The following GRAMD1B variants were observed in gnomAD, a reference collection of about 807,000 sequenced individuals.
GRAMD1B encodes the protein GRAM domain containing 1B.
Under a neutral mutation model 99.7 loss-of-function variants are expected in GRAMD1B, and 37 were observed. The ratio of observed to expected loss-of-function variants is 0.37; its 90% CI spans 0.29 to 0.49. The LOEUF (loss-of-function observed/expected upper bound fraction) is 0.49, where lower values mean the gene tolerates loss of function less well. Among genes scored for constraint, GRAMD1B ranks in the 20% least tolerant of loss-of-function variants. GRAMD1B has a pLI of 0.98. For synonymous variants in GRAMD1B, 427 were observed against 387.6 expected, an observed-to-expected ratio of 1.10 and a Z score of -1.19; for missense variants, 888 against 1,009.2, an observed-to-expected ratio of 0.88 and a Z score of 1.63.
At chr11:123,602,841 C>T (rs1952151613) in intron 8 of GRAMD1B, among the ~76,000 whole-genome samples, 1 of 152,168 alleles carries the variant, frequency 6.6e-6, no homozygotes, top group African/African-American at 2.4e-5. Flanking sequence ...GGTGAGATGA[C>T]CTGTAAGGTT....
At chr11:123,424,354 A>G (rs929516431) in intron 1 of GRAMD1B, among the ~76,000 whole-genome samples, 1 of 152,074 alleles carries the variant, frequency 6.6e-6, no homozygotes, top group Non-Finnish European at 1.5e-5. Context: ...ACACTAGGCT[A>G]GGTGTGGTGG....
At chr11:123,599,259 TC>T in intron 7 of GRAMD1B, 1 of 744,310 alleles carries the variant, frequency 1.3e-6, no homozygotes, top group South Asian at 1.3e-5. Context: ...TCGTAATCCA[TC>T]CTTATCATCA....
intron 2 of GRAMD1B, among the ~76,000 whole-genome samples, chr11:123,557,834 G>A (rs1233851480): frequency 1.3e-5 from 2 of 152,094 alleles, no homozygotes; most frequent in Non-Finnish European, 2.9e-5. Context: ...TGTAGTGGAA[G>A]AAGTAAAGTC....
intron 1 of GRAMD1B, among the ~76,000 whole-genome samples, chr11:123,455,537 C>G (rs2076314694): frequency 6.6e-6 from 1 of 152,164 alleles, no homozygotes; most frequent in African/African-American, 2.4e-5. Flanking sequence ...TACTTGCTAT[C>G]GAACTGCTGC....
At chr11:123,368,275 A>AAAAAAAAAAAGAAAG (rs60644137) in intron 1 of GRAMD1B, among the ~76,000 whole-genome samples, 6 of 127,144 alleles carry the variant, frequency 4.7e-5, no homozygotes, top group Admixed American at 1.6e-4. Flanking sequence ...AAAAAAAAAA[A>AAAAAAAAAAAGAAAG]AAAGAAAGAA....
intron 3 of GRAMD1B, 98 bp from the exon 4 acceptor site, chr11:123,584,214 C>T (rs1949788399): frequency 2.8e-6 from 2 of 707,168 alleles, no homozygotes; most frequent in Admixed American, 2.4e-5. Flanking sequence ...ACCCCTCCTC[C>T]CTGCCCACCC....
intron 2 of GRAMD1B, among the ~76,000 whole-genome samples, chr11:123,506,313 A>G (rs1940419705): frequency 1.3e-5 from 2 of 151,992 alleles, no homozygotes; most frequent in Non-Finnish European, 2.9e-5. Flanking sequence ...TCCTTAGGGA[A>G]CTTGGTGCTT....
chr11:123,432,572 A>AT (rs1948950285), intron 1 of GRAMD1B, among the ~76,000 whole-genome samples: 2 of 151,202 alleles, frequency 1.3e-5, no homozygotes, highest in Non-Finnish European at 1.5e-5. Flanking sequence ...AAAAAAAAAA[A>AT]TTGAAGACCT....
chr11:123,381,205 A>G (rs952011236), intron 1 of GRAMD1B, among the ~76,000 whole-genome samples: 3 of 152,246 alleles, frequency 2.0e-5, no homozygotes, highest in Non-Finnish European at 2.9e-5. Flanking sequence ...GAGCCCCCAG[A>G]ACTTTGTCTT....
At chr11:123,484,627 G>A in intron 2 of GRAMD1B, among the ~76,000 whole-genome samples, 1 of 152,108 alleles carries the variant, frequency 6.6e-6, no homozygotes, top group Non-Finnish European at 1.5e-5. Flanking sequence ...AGAGAATGTG[G>A]TCAGAAGTAT....
intron 1 of GRAMD1B, among the ~76,000 whole-genome samples, chr11:123,379,773 C>T (rs1278589549): frequency 1.3e-5 from 2 of 152,226 alleles, no homozygotes; most frequent in African/African-American, 4.8e-5. Flanking sequence ...TTCCAAAGGA[C>T]TGCACTATTT....
chr11:123,359,807 G>A (rs1219527132), intron 1 of GRAMD1B, among the ~76,000 whole-genome samples: 1 of 152,200 alleles, frequency 6.6e-6, no homozygotes, highest in African/African-American at 2.4e-5. Flanking sequence ...GACAGCAGCA[G>A]ATGTAAAACT....
intron 2 of GRAMD1B, among the ~76,000 whole-genome samples, chr11:123,505,119 T>A (rs1275768034): frequency 1.3e-5 from 2 of 152,166 alleles, no homozygotes; most frequent in African/African-American, 4.8e-5. Flanking sequence ...CTGTTGTATT[T>A]CCTTATTCCT....
rs774707387 is a variant in GRAMD1B, at chr11:123,610,209, C to T, written c.1790C>T (p.Ala597Val). ...TVRETQTMYK[A>V]SQESECYVID... ...TCCTGCCCGCAGACCATGTACAAGG[C>T]GAGCCAGGAGAGTGAATGTTACGTG... The change falls in exon 14 of 20, where the codon GCG (alanine) becomes GTG (valine). Residue 597 changes from alanine to valine, a missense_variant. Transcript: ENST00000635736. This position sits in a 1 kb window ranked among gnomAD's most constrained non-coding sequence, Gnocchi z 4.1. The T allele has an allele frequency of 1.9e-6, 3 of 1,613,664 alleles. No individual in the cohort carries two copies. The highest frequency in any genetic ancestry group is 1.1e-5 in the South Asian group (1 of 91,068).
chr11:123,582,423 C>A (rs1949459394), intron 3 of GRAMD1B, among the ~76,000 whole-genome samples: 2 of 152,208 alleles, frequency 1.3e-5, no homozygotes, highest in Admixed American at 1.3e-4. Context: ...CCTTTACCTG[C>A]TGAGACCTCT....
At chr11:123,550,532 G>C (rs994814613) in intron 2 of GRAMD1B, among the ~76,000 whole-genome samples, 1 of 152,162 alleles carries the variant, frequency 6.6e-6, no homozygotes, top group African/African-American at 2.4e-5. Flanking sequence ...TGGCAAAGCC[G>C]GCTCGTTGTC....
intron 1 of GRAMD1B, among the ~76,000 whole-genome samples, chr11:123,403,524 T>C (rs1006979167): frequency 6.6e-6 from 1 of 151,004 alleles, no homozygotes; most frequent in Non-Finnish European, 1.5e-5. Context: ...TTTTTTGTTT[T>C]TTGTTTTAGT....
Position 123,613,670 on chromosome 11 carries a change from G to C in GRAMD1B, c.2227+12G>C. The C allele has an allele frequency of 1.2e-6, 2 of 1,606,896 alleles. No homozygotes were observed. The highest frequency in any genetic ancestry group is 1.7e-6 in the Non-Finnish European group (2 of 1,175,198). ...CAAACATGTGGCAGGTGTGTGCCAG[G>C]TGGGGACAGGTCGGGTGGACTAAGC... On this transcript the variant is annotated intron_variant, in intron 16 of 19. Transcript: ENST00000635736.
At chr11:123,389,490 A>G (rs987481669) in intron 1 of GRAMD1B, among the ~76,000 whole-genome samples, 1 of 152,204 alleles carries the variant, frequency 6.6e-6, no homozygotes, top group Non-Finnish European at 1.5e-5. Context: ...AGAAACTGTC[A>G]GCCAAGAGGA....
Sources: gnomAD v4.1 joint callset for allele counts (sites outside exome capture counted in the v4.1 genomes callset) on GRCh38, gnomAD v4.1.1 for gene constraint, Gnocchi (gnomAD v3.1) non-coding constraint, MANE v1.5 for transcripts, NCBI Gene and HGNC (gene_info 2026-07-23, HGNC 2026-07-21) for gene names.